GRID2: variants seen among roughly 807,000 people sequenced by gnomAD.
GRID2 encodes the protein glutamate ionotropic receptor delta type subunit 2.
GRID2 carries 33 observed loss-of-function variants against 114.8 expected under a neutral mutation model. The ratio of observed to expected loss-of-function variants is 0.29; its 90% CI spans 0.22 to 0.38. The LOEUF (loss-of-function observed/expected upper bound fraction) is 0.38. Among genes scored for constraint, GRID2 ranks in the 10% least tolerant of loss-of-function variants. The probability of loss-of-function intolerance (pLI) is 1.00; values close to 1 mark genes in which losing one functional copy is unlikely to be tolerated. For missense variants in GRID2, 1,184 were observed against 1,257.7 expected, an observed-to-expected ratio of 0.94 and a Z score of 0.89; for synonymous variants, 505 against 449.9, an observed-to-expected ratio of 1.12 and a Z score of -1.55.
chr4:92,713,943 C>A (rs1735405516), intron 2 of GRID2, among the ~76,000 whole-genome samples: 2 of 151,984 alleles, frequency 1.3e-5, no homozygotes, highest in Non-Finnish European at 2.9e-5. Context: ...AATCTCATGT[C>A]TTCACATTTC....
rs377669213 is a variant in GRID2 at position 93,677,214 on chromosome 4, T to C, written c.2360+50779T>C. On this transcript the variant is annotated intron_variant, in intron 14 of 15. Transcript: ENST00000282020. ...CTGAGATCAAACTGCAAGGTGGCAG[T>C]GAGGCTGGGGGAGGGGCGCCCGCCA... 2.0e-5 allele frequency among the ~76,000 whole-genome samples: 3 copies of C among 152,066 alleles called. No homozygotes were observed. In the East Asian group the frequency reaches 5.8e-4, roughly 29 times the overall value.
intron 11 of GRID2, among the ~76,000 whole-genome samples, chr4:93,479,960 A>T (rs1249040163): frequency 6.6e-6 from 1 of 152,114 alleles, no homozygotes; most frequent in Admixed American, 6.6e-5. Flanking sequence ...ATGTTATAAA[A>T]TGTGCTTGAA....
intron 2 of GRID2, among the ~76,000 whole-genome samples, chr4:93,076,254 AGT>A (rs1300802301): frequency 1.3e-5 from 2 of 151,770 alleles, no homozygotes; most frequent in South Asian, 4.2e-4. Flanking sequence ...GCGGTGGGAG[AGT>A]GTGTGGAATG....
downstream of GRID2, among the ~76,000 whole-genome samples, chr4:93,778,027 A>C (rs192134042): frequency 6.6e-6 from 1 of 151,588 alleles, no homozygotes; most frequent in Admixed American, 6.6e-5. Flanking sequence ...TTTGAAAAAT[A>C]AACAAATACA....
chr4:93,756,489 G>C (rs1272770541), intron 14 of GRID2, among the ~76,000 whole-genome samples: 1 of 152,180 alleles, frequency 6.6e-6, no homozygotes, highest in Non-Finnish European at 1.5e-5. Context: ...ATTTCATTCT[G>C]AAGCCTCTTC....
At chr4:92,899,197 A>G (rs917907102) in intron 2 of GRID2, among the ~76,000 whole-genome samples, 4 of 152,134 alleles carry the variant, frequency 2.6e-5, no homozygotes, top group African/African-American at 9.6e-5. Flanking sequence ...TATAATCTAT[A>G]AACATTATTC....
At chr4:93,232,500 A>G (rs978453769) in intron 7 of GRID2, among the ~76,000 whole-genome samples, 5 of 150,726 alleles carry the variant, frequency 3.3e-5, no homozygotes, top group African/African-American at 9.7e-5. Context: ...AGCCCAACAT[A>G]TATCAATATG....
At chr4:92,908,507 A>G (rs1748124359) in intron 2 of GRID2, among the ~76,000 whole-genome samples, 1 of 148,364 alleles carries the variant, frequency 6.7e-6, no homozygotes, top group Non-Finnish European at 1.5e-5. Flanking sequence ...GCTTGCAGTG[A>G]GTCGACATCG....
chr4:93,263,407 T>C (rs1409294782), intron 8 of GRID2, among the ~76,000 whole-genome samples: 1 of 152,028 alleles, frequency 6.6e-6, no homozygotes, highest in African/African-American at 2.4e-5. Context: ...TATTTACAAT[T>C]ATCTTTTCAA....
At chr4:92,758,690 C>T (rs777821972) in intron 2 of GRID2, among the ~76,000 whole-genome samples, 3 of 152,126 alleles carry the variant, frequency 2.0e-5, no homozygotes, top group Non-Finnish European at 4.4e-5. Flanking sequence ...GCAGTAATTA[C>T]ACCACTCAGA....
At chr4:92,930,116 CG>C (rs1387396198) in intron 2 of GRID2, among the ~76,000 whole-genome samples, 1 of 151,066 alleles carries the variant, frequency 6.6e-6, no homozygotes, top group Non-Finnish European at 1.5e-5. Flanking sequence ...ATGAGGATAC[CG>C]GAAGTCACAC....
intron 1 of GRID2, among the ~76,000 whole-genome samples, chr4:92,553,090 G>A (rs1178212646): frequency 3.9e-5 from 6 of 152,090 alleles, no homozygotes; most frequent in Non-Finnish European, 8.8e-5. Flanking sequence ...TTTGGTGGGT[G>A]GGGAGCAAGG....
chr4:92,411,063 C>T (rs140310418), intron 1 of GRID2, among the ~76,000 whole-genome samples: 3 of 152,200 alleles, frequency 2.0e-5, no homozygotes, highest in African/African-American at 7.2e-5. Context: ...GGATATGTAG[C>T]ACTTGAAGAA....
chr4:93,582,192 A>G (rs1737049025), intron 13 of GRID2, among the ~76,000 whole-genome samples: 1 of 152,018 alleles, frequency 6.6e-6, no homozygotes, highest in Non-Finnish European at 1.5e-5. Context: ...TGTCTTTTTC[A>G]GCTCCTACAA....
intron 14 of GRID2, among the ~76,000 whole-genome samples, chr4:93,765,073 A>G (rs1237040799): frequency 6.6e-6 from 1 of 152,174 alleles, no homozygotes; most frequent in African/African-American, 2.4e-5. Flanking sequence ...CTCTTTGCTT[A>G]TTATAAGAAT....
At chr4:92,694,032 T>TG (rs1560536592) in intron 2 of GRID2, among the ~76,000 whole-genome samples, 1 of 151,982 alleles carries the variant, frequency 6.6e-6, no homozygotes, top group East Asian at 1.9e-4. Context: ...AGGATTTGTG[T>TG]GGGGAGGAGA....
At chr4:93,143,590 A>G (rs1579105534) in intron 4 of GRID2, among the ~76,000 whole-genome samples, 1 of 152,334 alleles carries the variant, frequency 6.6e-6, no homozygotes, top group Admixed American at 6.5e-5. Flanking sequence ...AAGATTGATT[A>G]TTACACTATT....
At chr4:92,967,694 T>C (rs2149166112) in intron 2 of GRID2, among the ~76,000 whole-genome samples, 1 of 152,048 alleles carries the variant, frequency 6.6e-6, no homozygotes, top group Admixed American at 6.6e-5. Context: ...AAAGATGAGC[T>C]GTCTTTCAAT....
At chr4:92,384,524 A>ATATATAT (rs1729797335) in intron 1 of GRID2, among the ~76,000 whole-genome samples, 1 of 29,308 alleles carries the variant, frequency 3.4e-5, no homozygotes, top group African/African-American at 2.0e-4. Flanking sequence ...ATATTATATA[A>ATATATAT]TATAATATAT....
Sources: gnomAD v4.1 joint callset for allele counts (sites outside exome capture counted in the v4.1 genomes callset) on GRCh38, gnomAD v4.1.1 for gene constraint, MANE v1.5 for transcripts, NCBI Gene and HGNC (gene_info 2026-07-23, HGNC 2026-07-21) for gene names.